SNTG1: variants seen among roughly 807,000 people sequenced by gnomAD.
The protein encoded by SNTG1 is syntrophin gamma 1.
SNTG1 carries 39 observed loss-of-function variants against 74.7 expected under a neutral mutation model. The ratio of observed to expected loss-of-function variants is 0.52; its 90% CI spans 0.40 to 0.68. SNTG1 has a LOEUF of 0.68. SNTG1 is among the 30% of genes least tolerant of loss of function. The pLI, the probability that SNTG1 is intolerant of heterozygous loss-of-function variation, is 0.00. For synonymous variants in SNTG1, 254 were observed against 217.1 expected, an observed-to-expected ratio of 1.17 and a Z score of -1.49; for missense variants, 685 against 609.5, an observed-to-expected ratio of 1.12 and a Z score of -1.30.
chr8:50,213,822 G>A (rs371546666), intron 2 of SNTG1, among the ~76,000 whole-genome samples: 1 of 151,838 alleles, frequency 6.6e-6, no homozygotes. Context: ...GTAGATTCTG[G>A]ATATTAGCCC....
At chr8:50,219,184 C>T (rs1196077121) in intron 2 of SNTG1, among the ~76,000 whole-genome samples, 1 of 152,138 alleles carries the variant, frequency 6.6e-6, no homozygotes, top group Non-Finnish European at 1.5e-5. Context: ...GGTTACAAGG[C>T]ATCTTTTAGA....
intron 18 of SNTG1, among the ~76,000 whole-genome samples, chr8:50,760,387 T>C (rs1404143816): frequency 1.3e-5 from 2 of 151,910 alleles, no homozygotes; most frequent in Non-Finnish European, 2.9e-5. Context: ...TGAATAAGAG[T>C]GGTGAGAGAG....
At chr8:50,363,343 G>A (rs1202332567) in intron 2 of SNTG1, among the ~76,000 whole-genome samples, 1 of 152,178 alleles carries the variant, frequency 6.6e-6, no homozygotes, top group Non-Finnish European at 1.5e-5. Context: ...AATCTGGGAG[G>A]TAACAGTTGT....
chr8:50,576,717 T>C (rs1480798690), intron 12 of SNTG1, among the ~76,000 whole-genome samples: 3 of 152,114 alleles, frequency 2.0e-5, no homozygotes, highest in Non-Finnish European at 4.4e-5. Flanking sequence ...TTGATACTTT[T>C]GATACTATTA....
chr8:50,765,712 A>G (rs1317939888), intron 18 of SNTG1, among the ~76,000 whole-genome samples: 8 of 152,026 alleles, frequency 5.3e-5, no homozygotes, highest in Admixed American at 5.3e-4. Context: ...GATAACCCCA[A>G]TGAATAGTGA....
At position 50,615,138 on chromosome 8, in the gene SNTG1, T is replaced by A. The variant is rs187842911; in HGVS notation, c.849+24221T>A. Among the ~76,000 whole-genome samples, 36 of 152,146 alleles carry A rather than the reference T, an allele frequency of 2.4e-4. 1 individual carries two copies. The East Asian group carries it at 3.9e-3, about 16-fold the overall frequency. ...TTTGTTTGTTTGTTTGTTTTTGTAT[T>A]TTTAGTAGAGACGGGGTTTCACCAG... On this transcript the variant is annotated intron_variant, in intron 13 of 18. Coordinates refer to ENST00000642720, the MANE Select transcript of SNTG1 (RefSeq NM_018967.5).
intron 16 of SNTG1, among the ~76,000 whole-genome samples, chr8:50,706,275 A>C (rs556171985): frequency 6.6e-6 from 1 of 152,314 alleles, no homozygotes; most frequent in South Asian, 2.1e-4. Flanking sequence ...TAGATATTAT[A>C]TCAAAAATGG....
intron 8 of SNTG1, among the ~76,000 whole-genome samples, chr8:50,492,171 T>G (rs1296337470): frequency 1.3e-5 from 2 of 152,200 alleles, no homozygotes; most frequent in Non-Finnish European, 2.9e-5. Flanking sequence ...GTCTTAGTTG[T>G]TGTAAACAGT....
intron 8 of SNTG1, among the ~76,000 whole-genome samples, chr8:50,485,305 C>G (rs1247379841): frequency 6.6e-6 from 1 of 152,172 alleles, no homozygotes; most frequent in East Asian, 1.9e-4. Context: ...ATTATTAGCA[C>G]AGAGGCCAAA....
At chr8:50,709,073 G>T in intron 17 of SNTG1, 95 bp downstream of exon 17, 1 of 873,986 alleles carries the variant, frequency 1.1e-6, no homozygotes. Context: ...CATTTTAATT[G>T]TAATCGTGTC....
rs565561398 is a variant in SNTG1 at position 49,980,521 on chromosome 8, C to CAAAA, written c.-103+68317_-103+68320dup. Among the ~76,000 whole-genome samples, 11 of 53,840 alleles carry CAAAA rather than the reference C, an allele frequency of 2.0e-4. 1 individual carries two copies. Among genetic ancestry groups the CAAAA allele is most frequent in the South Asian group, 1.3e-3 (1 of 782 alleles). 35.3% of individuals were successfully genotyped at this position (53,840 alleles called of 152,430 possible). A position where few individuals can be genotyped will look rare whatever the true frequency, so the allele number is the denominator to read the frequency against. On this transcript the variant is annotated intron_variant, in intron 1 of 18. Transcript: ENST00000642720. ...ACATCCCTTCCTGTAGACTCCTTCGCAAAAAAAAAAAAAAAAAAAAAAAAA... is the reference window on the plus strand; with the variant it reads ...ACATCCCTTCCTGTAGACTCCTTCGCAAAAAAAAAAAAAAAAAAAAAAAAAAAAA...
At chr8:50,347,924 C>T (rs2091529401) in intron 2 of SNTG1, among the ~76,000 whole-genome samples, 2 of 152,178 alleles carry the variant, frequency 1.3e-5, no homozygotes, top group Admixed American at 6.5e-5. Flanking sequence ...GCCCAGCCCT[C>T]ATGAGTCATG....
intron 2 of SNTG1, among the ~76,000 whole-genome samples, chr8:50,196,904 C>A (rs1167115714): frequency 6.6e-6 from 1 of 151,886 alleles, no homozygotes; most frequent in Non-Finnish European, 1.5e-5. Context: ...ATCACTTGAA[C>A]CTGGTAGGTG....
chr8:50,441,982 TAAG>T (rs577132423), intron 5 of SNTG1, among the ~76,000 whole-genome samples: 194 of 151,596 alleles, frequency 1.3e-3, no homozygotes, highest in Admixed American at 3.9e-3. Flanking sequence ...TTCTAAATAA[TAAG>T]AAAAAAAAAG....
At chr8:50,107,013 C>T (rs1449516712) in intron 1 of SNTG1, among the ~76,000 whole-genome samples, 1 of 152,086 alleles carries the variant, frequency 6.6e-6, no homozygotes, top group African/African-American at 2.4e-5. Context: ...AAATATGTTG[C>T]CTGCTGGTAA....
At chr8:50,078,019 G>T (rs1213223130) in intron 1 of SNTG1, among the ~76,000 whole-genome samples, 1 of 152,070 alleles carries the variant, frequency 6.6e-6, no homozygotes, top group African/African-American at 2.4e-5. Context: ...TATGGATATA[G>T]ATATAGTATC....
rs1337201194 is a variant in SNTG1 at position 50,376,394 on chromosome 8, T to A, written c.-27-17818T>A. Among the ~76,000 whole-genome samples the A allele has an allele frequency of 2.0e-5, 3 of 152,128 alleles. No homozygotes were observed. In the East Asian group the frequency reaches 5.8e-4, roughly 29 times the overall value. ...TGAGGTTTTCTTTGCAGCAGTAGTA[T>A]TTTTCACTTGCATAATGATAATAAT... On this transcript the variant is annotated intron_variant, in intron 2 of 18. Coordinates refer to ENST00000642720, the MANE Select transcript of SNTG1 (RefSeq NM_018967.5).
intron 1 of SNTG1, among the ~76,000 whole-genome samples, chr8:50,000,592 G>A (rs532170899): frequency 6.6e-6 from 1 of 152,284 alleles, no homozygotes; most frequent in South Asian, 2.1e-4. Context: ...CTTGCCTGTA[G>A]TGCAAATATC....
chr8:50,306,997 G>A (rs75841201), intron 2 of SNTG1, among the ~76,000 whole-genome samples: 1 of 151,362 alleles, frequency 6.6e-6, no homozygotes, highest in Non-Finnish European at 1.5e-5. Flanking sequence ...TTTTGTGTCT[G>A]GTCTCATTCT....
Sources: allele counts gnomAD v4.1 joint callset (sites outside exome capture counted in the v4.1 genomes callset), GRCh38; gene constraint gnomAD v4.1.1; transcripts MANE v1.5; gene names NCBI Gene and HGNC (gene_info 2026-07-23, HGNC 2026-07-21).